The following IFIH1 variants were observed in gnomAD, a reference collection of about 807,000 sequenced individuals.
IFIH1 encodes the protein interferon-induced helicase C domain-containing protein 1.
IFIH1 carries 125 observed loss-of-function variants against 107.4 expected under a neutral mutation model. The ratio of observed to expected loss-of-function variants is 1.16; its 90% CI spans 1.01 to 1.35. IFIH1 has a LOEUF of 1.35. IFIH1 is among the 40% of genes most tolerant of loss of function. The pLI is 0.00. For missense variants in IFIH1, 1,333 were observed against 1,213.7 expected (o/e 1.10, Z -1.46); for synonymous variants, 458 against 413.2 (o/e 1.11, Z -1.31).
intron 11 of IFIH1, among the ~76,000 whole-genome samples, chr2:162,275,799 CT>C (rs1213514262): frequency 6.6e-6 from 1 of 152,060 alleles, no homozygotes. Flanking sequence ...CTACTAGTGC[CT>C]TTTTTTCTTA....
chr2:162,268,883 C>T (rs1340920250), intron 13 of IFIH1, among the ~76,000 whole-genome samples: 1 of 151,982 alleles, frequency 6.6e-6, no homozygotes, highest in African/African-American at 2.4e-5. Flanking sequence ...GCCACTGCGC[C>T]AGCCTACCCA....
chr2:162,267,271 AC>A lies in IFIH1; in HGVS notation c.3006del (p.Lys1002AsnfsTer3). ...KNNSTKKQYK[K>X]WVELPITFPN... Reference sequence around the variant, plus strand: ...GGAAATGTGATAGGTAATTCTACCCACTTTTTGTATTGTTTCTTTGTTGAAT... The same window carrying A: ...GGAAATGTGATAGGTAATTCTACCCATTTTTGTATTGTTTCTTTGTTGAAT... On this transcript the variant is annotated frameshift_variant, in exon 16 of 16. Transcript: ENST00000649979. LOFTEE classifies it high-confidence loss of function. The A allele has an allele frequency of 6.2e-7, 1 of 1,611,960 alleles. No individual in the cohort carries two copies. Among genetic ancestry groups the A allele is most frequent in the Non-Finnish European group, 8.5e-7 (1 of 1,179,398 alleles).
At chr2:162,305,818 G>T (rs1683271358) in intron 3 of IFIH1, among the ~76,000 whole-genome samples, 1 of 152,130 alleles carries the variant, frequency 6.6e-6, no homozygotes, top group African/African-American at 2.4e-5. Flanking sequence ...TATCATCTTT[G>T]ATCTGGAGGC....
intron 5 of IFIH1, among the ~76,000 whole-genome samples, 161 bp from the exon 6 acceptor site, chr2:162,282,737 A>G (rs553595837): frequency 7.7e-4 from 117 of 152,124 alleles, no homozygotes; most frequent in African/African-American, 2.8e-3. Flanking sequence ...TCATCTGTCA[A>G]TAAGCACTGA....
At chr2:162,294,372 A>G (rs1576232151) in intron 3 of IFIH1, among the ~76,000 whole-genome samples, 1 of 152,054 alleles carries the variant, frequency 6.6e-6, no homozygotes, top group South Asian at 2.1e-4. Flanking sequence ...ATTCTTTTTG[A>G]AAACCTTCTT....
At chr2:162,268,432 A>G (rs897671794) in intron 13 of IFIH1, among the ~76,000 whole-genome samples, 155 bp from the exon 14 acceptor site, 4 of 152,128 alleles carry the variant, frequency 2.6e-5, no homozygotes, top group Non-Finnish European at 5.9e-5. Context: ...TGACCCCCCA[A>G]AGAATTTGGT....
chr2:162,314,416 T>TTTCTTTCTTTCCTTTC lies in IFIH1; in HGVS notation c.453+3438_453+3439insGAAAGGAAAGAAAGAA, dbSNP rs71009355. Among the ~76,000 whole-genome samples the TTTCTTTCTTTCCTTTC allele has an allele frequency of 2.7e-4, 14 of 51,468 alleles. 1 individual carries two copies. The East Asian group carries it at 3.2e-3, about 12-fold the overall frequency. The allele number at this position is 51,468 out of a possible 152,430, so 33.8% of individuals were successfully genotyped here. ...CCTCCCTCCTTTCTTTCTTTCTTTC[T>TTTCTTTCTTTCCTTTC]TTTCTTTCTTTCTTTCTTTCTTTCT... On this transcript the variant is annotated intron_variant, in intron 1 of 15. Coordinates refer to ENST00000649979, the MANE Select transcript of IFIH1 (RefSeq NM_022168.4).
Position 162,276,925 on chromosome 2 carries a change from C to G in IFIH1, c.2066G>C (p.Arg689Thr). 1 of 1,603,180 alleles carries G rather than the reference C, an allele frequency of 6.2e-7. No homozygotes were observed. The highest frequency in any genetic ancestry group is 8.5e-7 in the Non-Finnish European group (1 of 1,176,740). Residue 689 changes from arginine (R) to threonine (T), a missense_variant, in exon 11 of 16, where the codon AGG (arginine) becomes ACG (threonine). By Grantham distance (71) the Arg-to-Thr change is moderately conservative. Transcript: ENST00000649979. ...TTCATATTCTGGGTTTTCAGCCAGC[C>G]TTTTCAACATTTTATTGTTTTCTTT... ...LFFENNKMLK[R>T]LAENPEYENE...
At chr2:162,284,196 C>T (rs11900837) in intron 5 of IFIH1, among the ~76,000 whole-genome samples, 496 of 151,880 alleles carry the variant, frequency 3.3e-3, no homozygotes, top group African/African-American at 0.011. Flanking sequence ...TCCACAAAGC[C>T]GTTCTTGAAT....
At chr2:162,270,582 A>C (rs1691016118) in intron 13 of IFIH1, among the ~76,000 whole-genome samples, 1 of 152,166 alleles carries the variant, frequency 6.6e-6, no homozygotes, top group Admixed American at 6.5e-5. Flanking sequence ...AGGAGACCTA[A>C]AAATATAGTC....
chr2:162,279,257 CTAG>C (rs1682765585), intron 8 of IFIH1, among the ~76,000 whole-genome samples: 1 of 151,914 alleles, frequency 6.6e-6, no homozygotes, highest in South Asian at 2.1e-4. Context: ...TATACGGAGG[CTAG>C]TTACTAACAT....
chr2:162,271,187 C>G (rs1387334266), intron 13 of IFIH1, among the ~76,000 whole-genome samples: 1 of 152,078 alleles, frequency 6.6e-6, no homozygotes, highest in Non-Finnish European at 1.5e-5. Context: ...TCTGTATTTT[C>G]TTATCATTCA....
chr2:162,279,699 A>T (rs1174740562), intron 8 of IFIH1, among the ~76,000 whole-genome samples: 10 of 151,840 alleles, frequency 6.6e-5, no homozygotes, highest in African/African-American at 1.7e-4. Flanking sequence ...AACTGTCATA[A>T]CCCCTCCAGC....
At chr2:162,277,292 C>G in intron 10 of IFIH1, 123 bp downstream of exon 10, 1 of 702,244 alleles carries the variant, frequency 1.4e-6, no homozygotes. Flanking sequence ...AGAAATAGTT[C>G]CAATCTGAGT....
intron 4 of IFIH1, among the ~76,000 whole-genome samples, chr2:162,288,848 G>C (rs1204564133): frequency 1.3e-5 from 2 of 151,364 alleles, no homozygotes; most frequent in African/African-American, 4.8e-5. Flanking sequence ...TAATTGCAAA[G>C]AAGGTATTAT....
chr2:162,272,420 G>A, intron 12 of IFIH1, 33 bp from the exon 13 acceptor site: 1 of 1,586,036 alleles, frequency 6.3e-7, no homozygotes, highest in Non-Finnish European at 8.6e-7. Flanking sequence ...TAAATGAAAG[G>A]GTACGTTGTG....
At chr2:162,314,412 TTTCTTTTCTTTCTTTC>T (rs1246714793) in intron 1 of IFIH1, among the ~76,000 whole-genome samples, 19 of 68,950 alleles carry the variant, frequency 2.8e-4, no homozygotes, top group African/African-American at 1.9e-3. Context: ...TCTTTCTTTC[TTTCTTTTCTTTCTTTC>T]TTTCTTTCTT....
At chr2:162,268,046 C>A in intron 14 of IFIH1, 41 bp downstream of exon 14, 1 of 1,408,826 alleles carries the variant, frequency 7.1e-7, no homozygotes, top group South Asian at 1.4e-5. Flanking sequence ...CCTGCTTCAC[C>A]CCTTGTGGAA....
At chr2:162,274,869 G>A (rs1691120781) in intron 11 of IFIH1, among the ~76,000 whole-genome samples, 1 of 152,124 alleles carries the variant, frequency 6.6e-6, no homozygotes, top group East Asian at 1.9e-4. Flanking sequence ...CCAAAAGTAT[G>A]TTCTTCCATC....
Sources: allele counts gnomAD v4.1 joint callset (sites outside exome capture counted in the v4.1 genomes callset), GRCh38; gene constraint gnomAD v4.1.1; transcripts MANE v1.5; gene names NCBI Gene and HGNC (gene_info 2026-07-23, HGNC 2026-07-21).